The following ARFGEF1 variants were observed in gnomAD, a reference collection of about 807,000 sequenced individuals.
The protein encoded by ARFGEF1 is ARF guanine nucleotide exchange factor 1, also known as brefeldin A-inhibited guanine nucleotide-exchange protein 1.
ARFGEF1 carries 42 observed loss-of-function variants against 231.0 expected under a neutral mutation model. That is an observed-to-expected ratio of 0.18 (90% CI 0.14 to 0.24). The LOEUF (loss-of-function observed/expected upper bound fraction) is 0.24, where lower values mean the gene tolerates loss of function less well. Among genes scored for constraint, ARFGEF1 ranks in the 10% least tolerant of loss-of-function variants. ARFGEF1 has a pLI of 1.00. For synonymous variants in ARFGEF1, 710 were observed against 732.3 expected (o/e 0.97, Z 0.49); for missense variants, 1,345 against 2,192.0 (o/e 0.61, Z 7.72).
chr8:67,217,291 C>T (rs1257174041), intron 32 of ARFGEF1, among the ~76,000 whole-genome samples: 1 of 143,120 alleles, frequency 7.0e-6, no homozygotes, highest in African/African-American at 2.7e-5. Context: ...TAAACATGAA[C>T]GAAACTCCAT....
intron 30 of ARFGEF1, among the ~76,000 whole-genome samples, chr8:67,218,990 T>C (rs912430391): frequency 6.6e-6 from 1 of 152,122 alleles, no homozygotes. Context: ...TTTTTTGAGA[T>C]GGAGTTTTGC....
At chr8:67,211,342 T>G in intron 34 of ARFGEF1, 141 bp downstream of exon 34, 1 of 514,778 alleles carries the variant, frequency 1.9e-6, no homozygotes. Context: ...TGAAACTCCG[T>G]CTCAAAAAAA....
chr8:67,237,091 C>T (rs1215746116), intron 22 of ARFGEF1, among the ~76,000 whole-genome samples: 1 of 152,172 alleles, frequency 6.6e-6, no homozygotes, highest in African/African-American at 2.4e-5. Flanking sequence ...ACTCTCTAGG[C>T]CTTTTCAAAG....
chr8:67,331,650 A>G (rs1308035148), intron 1 of ARFGEF1, among the ~76,000 whole-genome samples: 1 of 152,220 alleles, frequency 6.6e-6, no homozygotes, highest in Non-Finnish European at 1.5e-5. Flanking sequence ...AGGATGAAAA[A>G]TATCAAATTC....
chr8:67,202,385 G>A (rs943163522), intron 36 of ARFGEF1, among the ~76,000 whole-genome samples: 4 of 151,834 alleles, frequency 2.6e-5, no homozygotes, highest in African/African-American at 7.3e-5. Flanking sequence ...TCAGCCTCCC[G>A]AGTAGCTGGG....
intron 5 of ARFGEF1, among the ~76,000 whole-genome samples, chr8:67,191,523 G>T (rs907239525): frequency 1.3e-5 from 2 of 152,172 alleles, no homozygotes; most frequent in Non-Finnish European, 2.9e-5. Flanking sequence ...GTATAAATGA[G>T]ATCATACACT....
chr8:67,180,533 T>C lies in ARFGEF1; in HGVS notation c.561-4961A>G, dbSNP rs149672610. Reference sequence around the variant, plus strand: ...TTGTTTGCAGGGGTAGATACATACATGTAAATGGGAAATAAAATAATAATA... The same window carrying C: ...TTGTTTGCAGGGGTAGATACATACACGTAAATGGGAAATAAAATAATAATA... On this transcript the variant is annotated intron_variant, in intron 5 of 5. Transcript: ENST00000518789. Among the ~76,000 whole-genome samples, 22 of 152,204 alleles carry C rather than the reference T, an allele frequency of 1.4e-4. 1 individual carries two copies. In the East Asian group the frequency reaches 2.9e-3, roughly 20 times the overall value.
chr8:67,318,951 C>T (rs1310273715), intron 1 of ARFGEF1, among the ~76,000 whole-genome samples: 1 of 152,170 alleles, frequency 6.6e-6, no homozygotes, highest in African/African-American at 2.4e-5. Flanking sequence ...AGCAACAGAA[C>T]GAGACCCTGT....
chr8:67,183,850 T>A (rs1833660619), intron 5 of ARFGEF1, among the ~76,000 whole-genome samples: 1 of 146,124 alleles, frequency 6.8e-6, no homozygotes, highest in African/African-American at 2.5e-5. Flanking sequence ...GGAATTTTTT[T>A]TTTTTTTTTT....
chr8:67,342,585 CAAT>C (rs1188333156), intron 1 of ARFGEF1, among the ~76,000 whole-genome samples: 1 of 152,032 alleles, frequency 6.6e-6, no homozygotes, highest in Non-Finnish European at 1.5e-5. Flanking sequence ...CAGTCAGATA[CAAT>C]ATTACTCTAT....
intron 1 of ARFGEF1, among the ~76,000 whole-genome samples, chr8:67,341,483 A>G (rs927230050): frequency 1.3e-5 from 2 of 151,416 alleles, no homozygotes; most frequent in African/African-American, 4.9e-5. Flanking sequence ...TGAAGTCCCA[A>G]TTACTTGGGA....
chr8:67,277,900 T>C (rs1440876860), intron 7 of ARFGEF1, among the ~76,000 whole-genome samples: 1 of 152,198 alleles, frequency 6.6e-6, no homozygotes, highest in African/African-American at 2.4e-5. Context: ...TCCAAGGATA[T>C]ACAGTATGTT....
intron 1 of ARFGEF1, among the ~76,000 whole-genome samples, chr8:67,324,000 A>G (rs1170092186): frequency 6.6e-6 from 1 of 152,072 alleles, no homozygotes; most frequent in Non-Finnish European, 1.5e-5. Flanking sequence ...ACGGGGTTTC[A>G]CCATGTTAGC....
rs530174261 is a variant in ARFGEF1, at chr8:67,225,117, A to G, written c.4078-84T>C. ...ACTAACTTCTCAAAAAATAATTTAA[A>G]TGCTTCACAAATAACCAGTGAGCAA... On this transcript the variant is annotated intron_variant, in intron 28 of 38. Transcript: ENST00000262215. 1.1e-4 allele frequency: 141 copies of G among 1,229,386 alleles called. No individual in the cohort carries two copies. The African/African-American group carries it at 1.9e-3, about 17-fold the overall frequency. 76.2% of individuals were successfully genotyped at this position (1,229,386 alleles called of 1,614,324 possible). A position where few individuals can be genotyped will look rare whatever the true frequency, so the allele number is the denominator to read the frequency against.
chr8:67,218,207 A>AAAAAAAATATATATATATATAT (rs1491555936), intron 30 of ARFGEF1, 69 bp from the exon 31 acceptor site: 1 of 90,852 alleles, frequency 1.1e-5, no homozygotes, highest in African/African-American at 6.9e-5. Context: ...AAAAAAAAAA[A>AAAAAAAATATATATATATATAT]ATATATATAT....
At chr8:67,225,174 A>C in intron 28 of ARFGEF1, 141 bp from the exon 29 acceptor site, 1 of 788,806 alleles carries the variant, frequency 1.3e-6, no homozygotes, top group Non-Finnish European at 1.8e-6. Flanking sequence ...AAAAATGGAC[A>C]CTATAACTGC....
At chr8:67,220,587 A>G (rs568723952) in intron 29 of ARFGEF1, among the ~76,000 whole-genome samples, 1 of 152,356 alleles carries the variant, frequency 6.6e-6, no homozygotes, top group Admixed American at 6.5e-5. Flanking sequence ...AATGTGTAAT[A>G]CTAGCAGTGG....
chr8:67,282,529 T>C (rs1176611152), intron 7 of ARFGEF1, among the ~76,000 whole-genome samples: 8 of 152,154 alleles, frequency 5.3e-5, no homozygotes, highest in Non-Finnish European at 1.2e-4. Flanking sequence ...TAAAAATTTT[T>C]TTTGTGGTCA....
chr8:67,193,232 G>C (rs931774013), downstream of ARFGEF1, among the ~76,000 whole-genome samples: 1 of 152,032 alleles, frequency 6.6e-6, no homozygotes, highest in Non-Finnish European at 1.5e-5. Context: ...CAAGTAGCCG[G>C]GGACTACAGG....
Sources: allele counts gnomAD v4.1 joint callset (sites outside exome capture counted in the v4.1 genomes callset), GRCh38; gene constraint gnomAD v4.1.1; transcripts MANE v1.5; gene names NCBI Gene and HGNC (gene_info 2026-07-23, HGNC 2026-07-21).